Variants in COL25A1 observed in about 807,000 individuals in gnomAD.
COL25A1 encodes collagen type XXV alpha 1 chain, also known as collagen alpha-1(XXV) chain.
COL25A1 carries 103 observed loss-of-function variants against 128.4 expected under a neutral mutation model. The observed-to-expected ratio is 0.80, with a 90% CI of 0.68 to 0.94. The LOEUF (loss-of-function observed/expected upper bound fraction) is 0.94, where lower values mean the gene tolerates loss of function less well. Ranked by LOEUF, COL25A1 falls within the 40% of genes least tolerant of loss-of-function variation. The pLI is 0.00. For missense variants in COL25A1, 745 were observed against 840.0 expected, an observed-to-expected ratio of 0.89 and a Z score of 1.40; for synonymous variants, 279 against 277.2, an observed-to-expected ratio of 1.01 and a Z score of -0.06.
intron 3 of COL25A1, among the ~76,000 whole-genome samples, chr4:109,114,878 A>G (rs1003357387): frequency 6.6e-6 from 1 of 152,070 alleles, no homozygotes; most frequent in Non-Finnish European, 1.5e-5. Context: ...AGGAGTGGCT[A>G]TCTATTTAAG....
intron 3 of COL25A1, among the ~76,000 whole-genome samples, chr4:109,295,182 A>G (rs1470498220): frequency 6.6e-6 from 1 of 152,144 alleles, no homozygotes; most frequent in Admixed American, 6.6e-5. Context: ...GAGTAGTTTA[A>G]GAATTAGCTT....
At chr4:108,893,392 C>A (rs1391463766) in intron 16 of COL25A1, among the ~76,000 whole-genome samples, 1 of 152,170 alleles carries the variant, frequency 6.6e-6, no homozygotes, top group Non-Finnish European at 1.5e-5. Context: ...GGGGTTAACA[C>A]TCCAAAGAGT....
At chr4:109,165,988 T>TA (rs771538446) in intron 3 of COL25A1, among the ~76,000 whole-genome samples, 3 of 152,142 alleles carry the variant, frequency 2.0e-5, no homozygotes, top group Admixed American at 6.6e-5. Flanking sequence ...GCTCTTGCTT[T>TA]AAAAAAATGA....
intron 3 of COL25A1, among the ~76,000 whole-genome samples, chr4:109,288,962 TACACACACACAC>T (rs3079876): frequency 4.0e-4 from 53 of 133,604 alleles, no homozygotes; most frequent in South Asian, 1.0e-3. Flanking sequence ...AAATTATATA[TACACACACACAC>T]ACACACACAC....
chr4:109,284,179 C>T, intron 3 of COL25A1, among the ~76,000 whole-genome samples: 1 of 152,234 alleles, frequency 6.6e-6, no homozygotes, highest in Non-Finnish European at 1.5e-5. Flanking sequence ...AATCCCAGCA[C>T]TTTGGGAGGC....
chr4:109,241,929 C>CT (rs1425742347), intron 3 of COL25A1, among the ~76,000 whole-genome samples: 1 of 151,312 alleles, frequency 6.6e-6, no homozygotes, highest in Non-Finnish European at 1.5e-5. Flanking sequence ...TTCTACTGCA[C>CT]TTTTTTTTTA....
chr4:108,813,640 T>A lies in COL25A1; in HGVS notation c.*287A>T. 1 of 338,592 alleles carries A rather than the reference T, an allele frequency of 3.0e-6. No individual in the cohort carries two copies. The highest frequency in any genetic ancestry group is 7.3e-5 in the South Asian group (1 of 13,698). 21.0% of individuals were successfully genotyped at this position (338,592 alleles called of 1,614,324 possible). A position where few individuals can be genotyped will look rare whatever the true frequency, so the allele number is the denominator to read the frequency against. ...AAGCCAAAAGAAGGAAAATAGCTAG[T>A]ACAATCAATCATTCTCTACCACTGA... On this transcript the variant is annotated 3_prime_UTR_variant, in exon 38 of 38. Coordinates refer to ENST00000399132, the MANE Select transcript of COL25A1 (RefSeq NM_198721.4).
At chr4:108,938,851 C>T (rs1279091269) in intron 10 of COL25A1, among the ~76,000 whole-genome samples, 5 of 149,816 alleles carry the variant, frequency 3.3e-5, no homozygotes, top group South Asian at 2.1e-4. Context: ...AGCGAGACTC[C>T]GTCTCAAAAA....
At chr4:109,063,226 A>G (rs1453647021) in intron 3 of COL25A1, among the ~76,000 whole-genome samples, 1 of 152,180 alleles carries the variant, frequency 6.6e-6, no homozygotes, top group Non-Finnish European at 1.5e-5. Flanking sequence ...AGTCAATAAA[A>G]GGCTGGGTGC....
intron 3 of COL25A1, among the ~76,000 whole-genome samples, chr4:109,067,419 G>T (rs573086377): frequency 6.6e-6 from 1 of 152,022 alleles, no homozygotes; most frequent in South Asian, 2.1e-4. Context: ...GAAACTCTTT[G>T]ATGTCTAAGG....
chr4:109,158,234 C>A (rs555049535), intron 3 of COL25A1, among the ~76,000 whole-genome samples: 2 of 151,718 alleles, frequency 1.3e-5, no homozygotes, highest in East Asian at 3.9e-4. Context: ...TATCAAAATG[C>A]TTTAGGGTTG....
intron 14 of COL25A1, among the ~76,000 whole-genome samples, chr4:108,899,747 T>C (rs1742597408): frequency 6.6e-6 from 1 of 152,022 alleles, no homozygotes; most frequent in Admixed American, 6.6e-5. Context: ...CCAGATCAGG[T>C]CTATTTTAGG....
chr4:108,861,713 CT>C (rs1346218739), intron 22 of COL25A1, among the ~76,000 whole-genome samples: 3 of 152,148 alleles, frequency 2.0e-5, no homozygotes, highest in South Asian at 2.1e-4. Flanking sequence ...TAAACTGAAA[CT>C]TTGGAGAAGA....
chr4:109,081,297 A>C (rs1431613374), intron 3 of COL25A1, among the ~76,000 whole-genome samples: 3 of 152,220 alleles, frequency 2.0e-5, no homozygotes, highest in Admixed American at 6.5e-5. Flanking sequence ...TCTATTCAGA[A>C]AAAAGGGCAA....
intron 3 of COL25A1, among the ~76,000 whole-genome samples, chr4:109,153,111 C>T (rs1250985773): frequency 6.6e-6 from 1 of 152,018 alleles, no homozygotes; most frequent in Non-Finnish European, 1.5e-5. Context: ...CTGGGCCGGG[C>T]GCAGTGGCTC....
intron 19 of COL25A1, among the ~76,000 whole-genome samples, chr4:108,875,269 C>T (rs973846936): frequency 6.6e-6 from 1 of 152,172 alleles, no homozygotes; most frequent in Non-Finnish European, 1.5e-5. Context: ...CCAGAGTGAA[C>T]AGGCAACCTA....
In COL25A1 at chr4:109,301,775, A is replaced by T. The variant is rs1725570380; in HGVS notation, c.245T>A (p.Leu82Gln). ...APSIHLLPDT[L>Q]DHLKTMVQEK... ...TTGCACCATAGTCTTGAGGTGATCCAGGGTATCAGGCAGCAGATGAATGGA... is the reference window on the plus strand; with the variant it reads ...TTGCACCATAGTCTTGAGGTGATCCTGGGTATCAGGCAGCAGATGAATGGA... The change falls in exon 2 of 38, where the codon CTG (leucine) becomes CAG (glutamine). Residue 82 changes from leucine to glutamine, a missense_variant. By Grantham distance (113) the Leu-to-Gln change is moderately radical. Coordinates refer to ENST00000399132, the MANE Select transcript of COL25A1 (RefSeq NM_198721.4). 1 of 1,614,152 alleles carries T rather than the reference A, an allele frequency of 6.2e-7. No individual in the cohort carries two copies. The highest frequency in any genetic ancestry group is 8.5e-7 in the Non-Finnish European group (1 of 1,180,058).
At position 109,019,349 on chromosome 4, in the gene COL25A1, TAC is replaced by T. The variant is rs758326280; in HGVS notation, c.421-8976_421-8975del. On this transcript the variant is annotated intron_variant, in intron 5 of 37. Transcript: ENST00000399132. Reference sequence around the variant, plus strand: ...ATATACATGTGTGTATACACACACATACACACACACACACACACACACACACA... The same window carrying T: ...ATATACATGTGTGTATACACACACATACACACACACACACACACACACACA... Among the ~76,000 whole-genome samples the T allele has an allele frequency of 1.0e-2, 533 of 53,440 alleles. 4 individuals are homozygous for T. The highest frequency in any genetic ancestry group is 0.019 in the Middle Eastern group (2 of 108). The allele number at this position is 53,440 out of a possible 152,430, so 35.1% of individuals were successfully genotyped here. A position where few individuals can be genotyped will look rare whatever the true frequency, so the allele number is the denominator to read the frequency against.
At chr4:109,229,528 A>G (rs1351478586) in intron 3 of COL25A1, among the ~76,000 whole-genome samples, 1 of 152,230 alleles carries the variant, frequency 6.6e-6, no homozygotes, top group Non-Finnish European at 1.5e-5. Flanking sequence ...CAAGTTCTCC[A>G]TAAGACACGT....
Sources: gnomAD v4.1 joint callset for allele counts (sites outside exome capture counted in the v4.1 genomes callset) on GRCh38, gnomAD v4.1.1 for gene constraint, MANE v1.5 for transcripts, NCBI Gene and HGNC (gene_info 2026-07-23, HGNC 2026-07-21) for gene names.